The following DCDC2 variants were observed in gnomAD, a reference collection of about 807,000 sequenced individuals.
DCDC2 encodes the protein doublecortin domain-containing protein 2.
Under a neutral mutation model 50.2 loss-of-function variants are expected in DCDC2, and 40 were observed. The ratio of observed to expected loss-of-function variants is 0.80; its 90% CI spans 0.62 to 1.04. DCDC2 has a LOEUF of 1.04. Among genes scored for constraint, DCDC2 ranks in the 50% least tolerant of loss-of-function variants. The pLI is 0.00. For synonymous variants in DCDC2, 234 were observed against 210.6 expected (o/e 1.11, Z -0.96); for missense variants, 570 against 581.9 (o/e 0.98, Z 0.21).
chr6:24,240,291 G>A (rs1762538933), intron 7 of DCDC2, among the ~76,000 whole-genome samples: 1 of 152,094 alleles, frequency 6.6e-6, no homozygotes, highest in South Asian at 2.1e-4. Context: ...GCTTTAAAGA[G>A]GTGCATCAGA....
intron 2 of DCDC2, among the ~76,000 whole-genome samples, chr6:24,318,561 G>A (rs1236102776): frequency 2.0e-5 from 3 of 151,898 alleles, no homozygotes; most frequent in African/African-American, 7.3e-5. Flanking sequence ...TTCTGCTCCA[G>A]CATCCTTCTG....
intron 8 of DCDC2, among the ~76,000 whole-genome samples, chr6:24,182,629 G>GAAAAAAA (rs71002473): frequency 0.4 from 41,765 of 105,522 alleles, 10,481 homozygotes; most frequent in South Asian, 0.51. Context: ...ATGATGACAA[G>GAAAAAAA]AAAAAAAAAA....
rs923175720 is a variant in DCDC2 at position 24,357,897 on chromosome 6, G to A, written c.-147C>T. ...ATCCACAGGTGAAAGAGAAGTAACG[G>A]CCGTGCGCCTAGGCGTCCACCCAGA... is the stretch of plus-strand genomic sequence containing the variant. On this transcript the variant is annotated 5_prime_UTR_variant, in exon 1 of 10. Coordinates refer to ENST00000378454, the MANE Select transcript of DCDC2 (RefSeq NM_016356.5). The A allele has an allele frequency of 1.3e-6, 2 of 1,542,470 alleles. No homozygotes were observed. The highest frequency in any genetic ancestry group is 2.3e-5 in the East Asian group (1 of 44,200).
upstream of DCDC2, among the ~76,000 whole-genome samples, chr6:24,359,720 G>C (rs1187661810): frequency 6.7e-6 from 1 of 150,310 alleles, no homozygotes; most frequent in Non-Finnish European, 1.5e-5. Flanking sequence ...AGCACAGCAA[G>C]ACCCCATCCC....
At chr6:24,240,432 G>A (rs946934023) in intron 7 of DCDC2, among the ~76,000 whole-genome samples, 13 of 152,126 alleles carry the variant, frequency 8.5e-5, no homozygotes, top group African/African-American at 1.9e-4. Context: ...ACCTAAAATT[G>A]AAATTGGTAG....
chr6:24,280,841 G>A (rs1257917587), intron 6 of DCDC2, among the ~76,000 whole-genome samples: 3 of 152,040 alleles, frequency 2.0e-5, no homozygotes, highest in Non-Finnish European at 1.5e-5. Flanking sequence ...GCACATGGTC[G>A]ATTTTAAAAA....
Position 24,295,973 on chromosome 6 carries a change from T to C in DCDC2, c.558-4895A>G, listed in dbSNP as rs940452629. ...CATTCTTCACAGAACTAGAAAAAAC[T>C]ATTTTAAAATTTAAATGGAACCAAA... On this transcript the variant is annotated intron_variant, in intron 4 of 9. Coordinates refer to ENST00000378454, the MANE Select transcript of DCDC2 (RefSeq NM_016356.5). Among the ~76,000 whole-genome samples, 48 of 152,180 alleles carry C rather than the reference T, an allele frequency of 3.2e-4. 1 individual carries two copies. The highest frequency in any genetic ancestry group is 6.9e-4 in the Non-Finnish European group (47 of 68,026).
chr6:24,191,986 C>T (rs978113296), intron 8 of DCDC2, among the ~76,000 whole-genome samples: 7 of 152,088 alleles, frequency 4.6e-5, no homozygotes, highest in African/African-American at 1.7e-4. Context: ...GATGGAGGCA[C>T]CATCTGCCTC....
chr6:24,321,654 G>A (rs1041134440), intron 2 of DCDC2, among the ~76,000 whole-genome samples: 1 of 152,128 alleles, frequency 6.6e-6, no homozygotes, highest in Non-Finnish European at 1.5e-5. Flanking sequence ...TTATGACCCA[G>A]AAATGTCCCA....
chr6:24,371,995 A>C, the DCDC2 span, among the ~76,000 whole-genome samples: 1 of 152,226 alleles, frequency 6.6e-6, no homozygotes, highest in Admixed American at 6.5e-5. Flanking sequence ...ATGTGGAGAA[A>C]TAGGAACACT....
At chr6:24,199,102 C>T (rs755306869) in intron 8 of DCDC2, among the ~76,000 whole-genome samples, 7 of 152,220 alleles carry the variant, frequency 4.6e-5, no homozygotes, top group African/African-American at 7.2e-5. Context: ...CTTAAACATT[C>T]CTGCCTGCTG....
In DCDC2 at chr6:24,325,905, C is replaced by T. The variant is rs979528487; in HGVS notation, c.349-23861G>A. On this transcript the variant is annotated intron_variant, in intron 2 of 9. Coordinates refer to ENST00000378454, the MANE Select transcript of DCDC2 (RefSeq NM_016356.5). ...GGGAAACTGTTTTTCAGTGTCACAA[C>T]CTCTCTGTTCTTACTACCATAATAT... Among the ~76,000 whole-genome samples, 11 of 149,112 alleles carry T rather than the reference C, an allele frequency of 7.4e-5. 1 individual carries two copies. Among genetic ancestry groups the T allele is most frequent in the Admixed American group, 1.3e-4 (2 of 14,846 alleles).
chr6:24,258,851 G>A (rs1191521796), intron 7 of DCDC2, among the ~76,000 whole-genome samples: 1 of 152,150 alleles, frequency 6.6e-6, no homozygotes, highest in African/African-American at 2.4e-5. Flanking sequence ...ATCAATAGGA[G>A]CTAAGCAAGT....
In DCDC2 at chr6:24,285,760, T is replaced by C. The variant is rs896381886; in HGVS notation, c.759+3092A>G. On this transcript the variant is annotated intron_variant, in intron 6 of 9. Coordinates refer to ENST00000378454, the MANE Select transcript of DCDC2 (RefSeq NM_016356.5). ...AATTTTAGTTTTTCAAATTTCAGAATACTAAACATATCATTCCAAAGTTCA... is the reference window on the plus strand; with the variant it reads ...AATTTTAGTTTTTCAAATTTCAGAACACTAAACATATCATTCCAAAGTTCA... Among the ~76,000 whole-genome samples, 6 of 152,346 alleles carry C rather than the reference T, an allele frequency of 3.9e-5. No individual in the cohort carries two copies. In the South Asian group the frequency reaches 8.3e-4, roughly 21 times the overall value.
chr6:24,212,099 T>C (rs561254512), intron 7 of DCDC2, among the ~76,000 whole-genome samples: 10 of 152,214 alleles, frequency 6.6e-5, no homozygotes, highest in Non-Finnish European at 1.0e-4. Context: ...ACAAACCGTA[T>C]TGTGAACTGC....
rs190393084 is a variant in DCDC2 at position 24,174,958 on chromosome 6, C to T, written c.1327-124G>A. ...TATAAATATTTAACTAAAAAGAGTTCCTGGGGTTCCCTTTGTTTTTTTGTC... is the reference window on the plus strand; with the variant it reads ...TATAAATATTTAACTAAAAAGAGTTTCTGGGGTTCCCTTTGTTTTTTTGTC... On this transcript the variant is annotated intron_variant, in intron 9 of 9. Coordinates refer to ENST00000378454, the MANE Select transcript of DCDC2 (RefSeq NM_016356.5). 120 of 501,184 alleles carry T rather than the reference C, an allele frequency of 2.4e-4. 1 individual carries two copies. The highest frequency in any genetic ancestry group is 2.1e-3 in the African/African-American group (107 of 50,480). 31.0% of individuals were successfully genotyped at this position (501,184 alleles called of 1,614,324 possible).
In DCDC2 at chr6:24,315,726, C is replaced by T. The variant is rs555845211; in HGVS notation, c.349-13682G>A. 1.2e-4 allele frequency among the ~76,000 whole-genome samples: 18 copies of T among 152,134 alleles called. 1 individual carries two copies. The highest frequency in any genetic ancestry group is 9.7e-4 in the East Asian group (5 of 5,172). On this transcript the variant is annotated intron_variant, in intron 2 of 9. Transcript: ENST00000378454. ...GGAGAAGGAGGAAAGGACAGGCTGG[C>T]GGGCACAATGCAGGGCCTCCTACAC... is the stretch of plus-strand genomic sequence containing the variant.
intron 7 of DCDC2, among the ~76,000 whole-genome samples, chr6:24,236,781 G>A (rs535784285): frequency 1.1e-4 from 17 of 152,230 alleles, no homozygotes; most frequent in South Asian, 6.2e-4. Context: ...AGGTTGAGGC[G>A]GGTGGATCAC....
chr6:24,283,393 G>C (rs1436202312), intron 6 of DCDC2, among the ~76,000 whole-genome samples: 1 of 152,130 alleles, frequency 6.6e-6, no homozygotes, highest in Non-Finnish European at 1.5e-5. Flanking sequence ...ACTCAGTTAC[G>C]CACCAGCAGG....
Sources: allele counts gnomAD v4.1 joint callset (sites outside exome capture counted in the v4.1 genomes callset), GRCh38; gene constraint gnomAD v4.1.1; transcripts MANE v1.5; gene names NCBI Gene and HGNC (gene_info 2026-07-23, HGNC 2026-07-21).